The following MAGEC3 variants were observed in gnomAD, a reference collection of about 807,000 sequenced individuals.
MAGEC3 encodes MAGE family member C3.
Under a neutral mutation model 35.3 loss-of-function variants are expected in MAGEC3, and 34 were observed. The observed-to-expected ratio is 0.96, with a 90% CI of 0.73 to 1.28. The LOEUF (loss-of-function observed/expected upper bound fraction) is 1.28. MAGEC3 is among the 50% of genes most tolerant of loss of function. The probability of loss-of-function intolerance (pLI) is 0.00; values close to 1 mark genes in which losing one functional copy is unlikely to be tolerated. For missense variants in MAGEC3, 561 were observed against 483.6 expected, an observed-to-expected ratio of 1.16 and a Z score of -1.50; for synonymous variants, 202 against 185.6, an observed-to-expected ratio of 1.09 and a Z score of -0.72.
intron 2 of MAGEC3, among the ~76,000 whole-genome samples, chrX:141,867,854 G>A (rs981573744): frequency 8.9e-6 from 1 of 112,239 alleles, no homozygotes; most frequent in Non-Finnish European, 1.9e-5. Context: ...TGGGCATGGT[G>A]GCTCACGCCT....
At chrX:141,872,792 G>A (rs1012597847) in intron 2 of MAGEC3, among the ~76,000 whole-genome samples, 4 of 112,139 alleles carry the variant, frequency 3.6e-5, no homozygotes, top group Non-Finnish European at 5.6e-5. Context: ...AGGGTTTTGA[G>A]AGTCCACTGG....
chrX:141,865,599 CT>C lies in MAGEC3; in HGVS notation c.254del (p.Phe85SerfsTer30). On this transcript the variant is annotated frameshift_variant, in exon 2 of 8. Coordinates refer to ENST00000298296, the MANE Select transcript of MAGEC3 (RefSeq NM_138702.1). LOFTEE classifies it high-confidence loss of function. ...MDSLVLCPTYFKLWRTLSGSP... is the reference protein window; with the variant it reads ...MDSLVLCPTYXKLWRTLSGSP... ...ATAGTCTTGTCCTCTGCCCCACATA[CT>C]TCAAGGTAAGGACTCTAAGGAAAGA... 17 of 1,204,264 alleles carry C rather than the reference CT, an allele frequency of 1.4e-5. No homozygotes were observed. Among genetic ancestry groups the C allele is most frequent in the Non-Finnish European group, 1.9e-5 (17 of 891,688 alleles).
intron 2 of MAGEC3, among the ~76,000 whole-genome samples, chrX:141,868,913 G>A (rs920671323): frequency 3.8e-5 from 4 of 106,415 alleles, no homozygotes; most frequent in African/African-American, 6.9e-5. Context: ...ATGGAGTCTC[G>A]CTCTTTCACC....
intron 2 of MAGEC3, among the ~76,000 whole-genome samples, chrX:141,869,787 G>T (rs2017875960): frequency 8.9e-6 from 1 of 112,143 alleles, no homozygotes; most frequent in Non-Finnish European, 1.9e-5. Context: ...TATTTCTGTG[G>T]TTTACAATAA....
intron 1 of MAGEC3, among the ~76,000 whole-genome samples, chrX:141,863,009 T>A (rs139069587): frequency 0.021 from 2,337 of 111,637 alleles, 16 homozygotes; most frequent in Middle Eastern, 0.042. Flanking sequence ...ATACCCAGAC[T>A]TGTTTATTAC....
chrX:141,880,781 G>A, intron 3 of MAGEC3: 1 of 983,159 alleles, frequency 1.0e-6, no homozygotes, highest in African/African-American at 1.9e-5. Context: ...AAACCCCCTA[G>A]GATGGCAGGT....
At chrX:141,857,708 A>G (rs2017789896) in intron 1 of MAGEC3, among the ~76,000 whole-genome samples, 1 of 110,683 alleles carries the variant, frequency 9.0e-6, no homozygotes, top group African/African-American at 3.3e-5. Flanking sequence ...CTCTCCTCCA[A>G]TGTTAACTAC....
At chrX:141,881,358 A>G (rs772432605) in intron 3 of MAGEC3, 45 bp from the exon 4 acceptor site, 138 of 1,153,149 alleles carry the variant, frequency 1.2e-4, no homozygotes, top group Non-Finnish European at 1.5e-4. Context: ...CATTCAATGA[A>G]GAGCCTAGCA....
intron 1 of MAGEC3, among the ~76,000 whole-genome samples, chrX:141,850,476 C>T (rs895570457): frequency 2.7e-5 from 3 of 111,319 alleles, no homozygotes; most frequent in Non-Finnish European, 3.8e-5. Flanking sequence ...TGTTATAGTC[C>T]AAGTTCAAAG....
chrX:141,857,171 C>T (rs1387463777), intron 1 of MAGEC3, among the ~76,000 whole-genome samples: 2 of 109,425 alleles, frequency 1.8e-5, no homozygotes, highest in Non-Finnish European at 3.8e-5. Context: ...ATAATTATCA[C>T]ATTAGAATGT....
At chrX:141,856,083 C>T (rs1439646349) in intron 1 of MAGEC3, among the ~76,000 whole-genome samples, 1 of 111,735 alleles carries the variant, frequency 8.9e-6, no homozygotes, top group African/African-American at 3.2e-5. Context: ...TCTAATATTT[C>T]TGAGACATGT....
intron 1 of MAGEC3, among the ~76,000 whole-genome samples, chrX:141,862,644 T>G (rs778720256): frequency 8.9e-6 from 1 of 112,417 alleles, no homozygotes; most frequent in East Asian, 2.8e-4. Context: ...TGGATGGAAC[T>G]CCAGGTCTTT....
chrX:141,840,058 C>A, intron 1 of MAGEC3: 1 of 730,671 alleles, frequency 1.4e-6, no homozygotes, highest in Non-Finnish European at 1.6e-6. Context: ...TCAGAATGTG[C>A]ACAATGGAAA....
intron 2 of MAGEC3, among the ~76,000 whole-genome samples, chrX:141,872,209 T>G (rs1466003535): frequency 9.0e-6 from 1 of 111,445 alleles, no homozygotes; most frequent in African/African-American, 3.3e-5. Context: ...GTTTCATTTT[T>G]GGGCCATTGG....
chrX:141,874,175 TA>T (rs1387318041), intron 2 of MAGEC3, among the ~76,000 whole-genome samples: 1 of 111,924 alleles, frequency 8.9e-6, no homozygotes, highest in East Asian at 2.8e-4. Flanking sequence ...AAAATGAAGT[TA>T]GGCACAGACC....
At chrX:141,859,755 T>C (rs1396422643) in intron 1 of MAGEC3, among the ~76,000 whole-genome samples, 1 of 111,219 alleles carries the variant, frequency 9.0e-6, no homozygotes, top group Non-Finnish European at 1.9e-5. Context: ...TTGTCTCCCC[T>C]ATATCCCAGA....
At chrX:141,892,043 G>A (rs2018046699) in intron 4 of MAGEC3, among the ~76,000 whole-genome samples, 1 of 110,732 alleles carries the variant, frequency 9.0e-6, no homozygotes, top group South Asian at 3.8e-4. Flanking sequence ...CCATCTACAA[G>A]GCAAGGAGAG....
intron 2 of MAGEC3, among the ~76,000 whole-genome samples, chrX:141,872,220 C>T (rs762145744): frequency 1.8e-5 from 2 of 111,191 alleles, no homozygotes; most frequent in African/African-American, 6.5e-5. Context: ...GGGCCATTGG[C>T]TGTCGTTATC....
chrX:141,863,948 A>G (rs1713336144), intron 1 of MAGEC3, among the ~76,000 whole-genome samples: 1 of 111,730 alleles, frequency 9.0e-6, no homozygotes, highest in Non-Finnish European at 1.9e-5. Flanking sequence ...GTAAAAAGAT[A>G]CGAAAAACAG....
Sources: allele counts gnomAD v4.1 joint callset (sites outside exome capture counted in the v4.1 genomes callset), GRCh38; gene constraint gnomAD v4.1.1; transcripts MANE v1.5; gene names NCBI Gene and HGNC (gene_info 2026-07-23, HGNC 2026-07-21).